Variants in PPARGC1A observed in about 807,000 individuals in gnomAD.
PPARGC1A encodes PPARG coactivator 1 alpha.
Under a neutral mutation model 88.7 loss-of-function variants are expected in PPARGC1A, and 25 were observed. The observed-to-expected ratio is 0.28, with a 90% CI of 0.21 to 0.39. The LOEUF (loss-of-function observed/expected upper bound fraction) is 0.39. Among genes scored for constraint, PPARGC1A ranks in the 10% least tolerant of loss-of-function variants. The pLI is 1.00. For synonymous variants in PPARGC1A, 363 were observed against 355.6 expected, an observed-to-expected ratio of 1.02 and a Z score of -0.24; for missense variants, 880 against 968.7, an observed-to-expected ratio of 0.91 and a Z score of 1.22.
chr4:24,032,565 A>G, the PPARGC1A span, among the ~76,000 whole-genome samples: 2 of 152,316 alleles, frequency 1.3e-5, no homozygotes, highest in Admixed American at 6.5e-5. Flanking sequence ...TTTTTGAGCC[A>G]TGTTTGGTGA....
chr4:24,338,230 C>T, the PPARGC1A span, among the ~76,000 whole-genome samples: 1 of 152,086 alleles, frequency 6.6e-6, no homozygotes, highest in Non-Finnish European at 1.5e-5. Flanking sequence ...GCCACTGAAC[C>T]ACACCGAGCG....
the PPARGC1A span, among the ~76,000 whole-genome samples, chr4:23,925,837 A>G: frequency 1.4e-5 from 1 of 70,544 alleles, no homozygotes; most frequent in Admixed American, 1.1e-4. Context: ...AATACTAGAA[A>G]GAGAGAGAGA....
chr4:23,946,424 T>C, the PPARGC1A span, among the ~76,000 whole-genome samples: 38 of 152,160 alleles, frequency 2.5e-4, no homozygotes, highest in African/African-American at 8.4e-4. Context: ...GATCTAACAA[T>C]TGCCAAAGAG....
chr4:24,106,291 A>G, the PPARGC1A span, among the ~76,000 whole-genome samples: 9 of 152,216 alleles, frequency 5.9e-5, 1 homozygote, highest in South Asian at 1.7e-3. Context: ...TTTTTCTTCT[A>G]TACTCATTAT....
At chr4:24,396,244 G>A in the PPARGC1A span, among the ~76,000 whole-genome samples, 3 of 152,184 alleles carry the variant, frequency 2.0e-5, no homozygotes, top group African/African-American at 7.2e-5. Context: ...TAGAGCAAGT[G>A]CAGGACGATG....
the PPARGC1A span, among the ~76,000 whole-genome samples, chr4:24,187,998 T>A: frequency 2.6e-5 from 4 of 152,166 alleles, no homozygotes; most frequent in East Asian, 7.7e-4. Flanking sequence ...GAAAAGGTAT[T>A]CCAGGTTGAG....
At chr4:23,916,677 GATTT>G in the PPARGC1A span, among the ~76,000 whole-genome samples, 9 of 152,044 alleles carry the variant, frequency 5.9e-5, no homozygotes, top group Admixed American at 2.0e-4. Flanking sequence ...AAAGTGCCTT[GATTT>G]ATTTAGGCAA....
chr4:24,060,587 T>C, the PPARGC1A span, among the ~76,000 whole-genome samples: 2 of 152,350 alleles, frequency 1.3e-5, no homozygotes, highest in East Asian at 3.9e-4. Context: ...CATTTTAATA[T>C]TTAAGCCTTT....
chr4:24,392,440 G>A, the PPARGC1A span, among the ~76,000 whole-genome samples: 2 of 152,108 alleles, frequency 1.3e-5, no homozygotes, highest in East Asian at 3.9e-4. Flanking sequence ...TCATATTCTT[G>A]AAAAATATAC....
the PPARGC1A span, among the ~76,000 whole-genome samples, chr4:24,450,614 T>C: frequency 1.3e-5 from 2 of 152,152 alleles, no homozygotes; most frequent in African/African-American, 4.8e-5. Flanking sequence ...GGATCTAAAG[T>C]CTATATTTTT....
chr4:24,296,585 G>T, the PPARGC1A span, among the ~76,000 whole-genome samples: 1 of 152,076 alleles, frequency 6.6e-6, no homozygotes, highest in Non-Finnish European at 1.5e-5. Context: ...CAACATGGTT[G>T]GTGGCCATGA....
the PPARGC1A span, among the ~76,000 whole-genome samples, chr4:23,934,968 C>T: frequency 6.6e-6 from 1 of 152,326 alleles, no homozygotes; most frequent in South Asian, 2.1e-4. Context: ...CACCCTTTCA[C>T]AAAGCTTCCC....
the PPARGC1A span, among the ~76,000 whole-genome samples, chr4:24,184,305 CT>C: frequency 6.6e-6 from 1 of 152,154 alleles, no homozygotes; most frequent in Non-Finnish European, 1.5e-5. Context: ...AAAAAATATT[CT>C]GTTTTCCAGT....
chr4:23,846,464 A>T (rs1728344348), intron 2 of PPARGC1A, among the ~76,000 whole-genome samples: 1 of 152,322 alleles, frequency 6.6e-6, no homozygotes, highest in Middle Eastern at 3.4e-3. Flanking sequence ...TGTCTCTTAC[A>T]TTTGCCATAT....
the PPARGC1A span, among the ~76,000 whole-genome samples, chr4:24,126,744 A>T: frequency 6.6e-6 from 1 of 152,184 alleles, no homozygotes; most frequent in African/African-American, 2.4e-5. Context: ...TGAGTTCCCA[A>T]GGGCGGCATG....
At chr4:23,848,967 C>T (rs1413479317) in intron 2 of PPARGC1A, among the ~76,000 whole-genome samples, 1 of 152,030 alleles carries the variant, frequency 6.6e-6, no homozygotes, top group Non-Finnish European at 1.5e-5. Flanking sequence ...CACGGTGAAA[C>T]CCCATCTCTA....
chr4:24,239,563 T>C, the PPARGC1A span, among the ~76,000 whole-genome samples: 8 of 152,188 alleles, frequency 5.3e-5, no homozygotes, highest in Non-Finnish European at 1.2e-4. Flanking sequence ...GCTAGGAATA[T>C]CCACTCTCAC....
At chr4:23,810,094 T>G (rs1392255290) in intron 10 of PPARGC1A, among the ~76,000 whole-genome samples, 1 of 152,230 alleles carries the variant, frequency 6.6e-6, no homozygotes, top group Non-Finnish European at 1.5e-5. Context: ...AGCTATGAGC[T>G]TTCACTCATG....
At chr4:23,923,478 A>C in the PPARGC1A span, among the ~76,000 whole-genome samples, 3 of 152,166 alleles carry the variant, frequency 2.0e-5, no homozygotes, top group Non-Finnish European at 4.4e-5. Context: ...CTAGTAGACC[A>C]AAAAAACAAT....
Sources: allele counts gnomAD v4.1 joint callset (sites outside exome capture counted in the v4.1 genomes callset), GRCh38; gene constraint gnomAD v4.1.1; transcripts MANE v1.5; gene names NCBI Gene and HGNC (gene_info 2026-07-23, HGNC 2026-07-21).